DSTYK: variants seen among roughly 807,000 people sequenced by gnomAD.
DSTYK encodes RIP-homologous kinase.
In DSTYK, 34 loss-of-function variants were observed where a neutral mutation model predicts 98.7. The observed-to-expected ratio is 0.34, with a 90% CI of 0.26 to 0.46. DSTYK has a LOEUF of 0.46. Among genes scored for constraint, DSTYK ranks in the 20% least tolerant of loss-of-function variants. DSTYK has a pLI of 1.00. For synonymous variants in DSTYK, 462 were observed against 457.3 expected (o/e 1.01, Z -0.13); for missense variants, 962 against 1,181.7 (o/e 0.81, Z 2.73).
rs556713115 is a variant in DSTYK, at chr1:205,186,143, T to A, written c.654+1275A>T. On this transcript the variant is annotated intron_variant, in intron 2 of 12. Transcript: ENST00000367162. ...TACAGAGAGACTGTGTATGGATGGA[T>A]GAAATACTTGTGAATTGTGAAGAAG... is the stretch of plus-strand genomic sequence containing the variant. 1.2e-4 allele frequency among the ~76,000 whole-genome samples: 18 copies of A among 152,328 alleles called. No individual in the cohort carries two copies. In the South Asian group the frequency reaches 3.7e-3, roughly 32 times the overall value.
At chr1:205,204,683 T>A (rs1203717089) in intron 1 of DSTYK, among the ~76,000 whole-genome samples, 1 of 152,188 alleles carries the variant, frequency 6.6e-6, no homozygotes, top group African/African-American at 2.4e-5. Context: ...TCATCACTAT[T>A]TAATTCCAGA....
rs1291880214 is a variant in DSTYK at position 205,211,550 on chromosome 1, C to CT, written c.-16dup. The CT allele has an allele frequency of 1.3e-6, 2 of 1,491,650 alleles. No homozygotes were observed. The highest frequency in any genetic ancestry group is 2.9e-5 in the African/African-American group (2 of 69,236). 92.4% of individuals were successfully genotyped at this position (1,491,650 alleles called of 1,614,324 possible). A position where few individuals can be genotyped will look rare whatever the true frequency, so the allele number is the denominator to read the frequency against. On this transcript the variant is annotated 5_prime_UTR_variant, in exon 1 of 13. Transcript: ENST00000367162. ...TCGCCCTCCATCGCCTCTGCCCGCT[C>CT]TGTCTTTGCGGCTCGGTCCCCGGCC...
intron 1 of DSTYK, among the ~76,000 whole-genome samples, chr1:205,197,160 T>G (rs1195315033): frequency 6.6e-6 from 1 of 151,688 alleles, no homozygotes; most frequent in East Asian, 1.9e-4. Flanking sequence ...AAGGAGACAT[T>G]GTTGGGACAG....
chr1:205,207,437 C>T (rs938630216), intron 1 of DSTYK, among the ~76,000 whole-genome samples: 3 of 151,640 alleles, frequency 2.0e-5, no homozygotes, highest in Non-Finnish European at 4.4e-5. Context: ...AGGAACTTTA[C>T]TGGATAATAA....
chr1:205,158,136 T>A lies in DSTYK; in HGVS notation c.2239-750A>T, dbSNP rs189397602. Among the ~76,000 whole-genome samples, 33 of 152,332 alleles carry A rather than the reference T, an allele frequency of 2.2e-4. No individual in the cohort carries two copies. The East Asian group carries it at 6.2e-3, about 28-fold the overall frequency. ...CTCCTGAATACTGGAAAATGTCACA[T>A]CACTCATTCAAAAGCTCAAAGGACA... is the stretch of plus-strand genomic sequence containing the variant. On this transcript the variant is annotated intron_variant, in intron 9 of 12. Transcript: ENST00000367162.
intron 7 of DSTYK, among the ~76,000 whole-genome samples, chr1:205,160,484 C>T (rs552114755): frequency 1.1e-4 from 17 of 152,082 alleles, no homozygotes; most frequent in African/African-American, 2.9e-4. Context: ...TACAGGCATA[C>T]GCCACCACGC....
rs562679899 is a variant in DSTYK at position 205,154,571 on chromosome 1, A to AG, written c.2352+2701dup. 4.1e-4 allele frequency among the ~76,000 whole-genome samples: 62 copies of AG among 152,290 alleles called. 1 individual carries two copies. The East Asian group carries it at 8.9e-3, about 22-fold the overall frequency. The stretch of plus-strand genomic sequence containing the variant: ...TTTCCTGTAAAAGGTACCCAGTCTC[A>AG]GGTATGTCTTTATTAGCAGTGTGAG... On this transcript the variant is annotated intron_variant, in intron 10 of 12. Transcript: ENST00000367162.
chr1:205,155,521 T>C (rs1157409485), intron 10 of DSTYK, among the ~76,000 whole-genome samples: 1 of 151,376 alleles, frequency 6.6e-6, no homozygotes, highest in Non-Finnish European at 1.5e-5. Flanking sequence ...ATACAAAAAT[T>C]AGCCTGGCTG....
intron 10 of DSTYK, among the ~76,000 whole-genome samples, chr1:205,155,639 C>CA (rs1287674327): frequency 6.8e-6 from 1 of 147,912 alleles, no homozygotes; most frequent in Non-Finnish European, 1.5e-5. Context: ...GCCTGGGCAA[C>CA]AGAGCGAGAC....
chr1:205,186,836 T>C (rs1264954942), intron 2 of DSTYK, among the ~76,000 whole-genome samples: 5 of 152,252 alleles, frequency 3.3e-5, no homozygotes, highest in Non-Finnish European at 5.9e-5. Flanking sequence ...ACTCTTCAAA[T>C]AACAGGATCT....
At chr1:205,197,331 A>G (rs61823961) in intron 1 of DSTYK, among the ~76,000 whole-genome samples, 5 of 152,134 alleles carry the variant, frequency 3.3e-5, no homozygotes, top group Non-Finnish European at 7.4e-5. Flanking sequence ...AACTGCACTC[A>G]GCTCTCAAAA....
At chr1:205,148,424 G>A in intron 11 of DSTYK, 85 bp from the exon 12 acceptor site, 1 of 1,550,622 alleles carries the variant, frequency 6.4e-7, no homozygotes, top group African/African-American at 1.4e-5. Context: ...TAGAGGGTTG[G>A]CTTTTTCCAA....
In DSTYK at chr1:205,167,006, A is replaced by G. The variant is rs1366567903; in HGVS notation, c.1324+2157T>C. Among the ~76,000 whole-genome samples the G allele has an allele frequency of 2.0e-5, 3 of 152,336 alleles. 1 individual carries two copies. The East Asian group carries it at 5.8e-4, about 29-fold the overall frequency. Reference sequence around the variant, plus strand: ...AGGAAGTAGTCCGCAGTACATAAATAACTATAATAAAAGATAGAAAGTGAA... The same window carrying G: ...AGGAAGTAGTCCGCAGTACATAAATGACTATAATAAAAGATAGAAAGTGAA... On this transcript the variant is annotated intron_variant, in intron 3 of 12. Transcript: ENST00000367162.
intron 3 of DSTYK, among the ~76,000 whole-genome samples, chr1:205,166,544 T>C (rs1201237119): frequency 1.3e-5 from 2 of 152,080 alleles, no homozygotes; most frequent in Admixed American, 6.5e-5. Context: ...GTTTCAAGGA[T>C]ACTCAGAAAG....
Position 205,162,270 on chromosome 1 carries a change from G to A in DSTYK, c.1642-58C>T, listed in dbSNP as rs564621018. The A allele has an allele frequency of 2.5e-6, 4 of 1,575,610 alleles. No homozygotes were observed. The East Asian group carries it at 9.0e-5, about 36-fold the overall frequency. ...AATGAGAGACAAGAACCACTACAAA[G>A]ATCCAGTGTCCTTCCTTTTCTGGGT... On this transcript the variant is annotated intron_variant, in intron 5 of 12. Transcript: ENST00000367162.
intron 1 of DSTYK, among the ~76,000 whole-genome samples, chr1:205,196,847 C>T (rs1357822328): frequency 6.7e-6 from 1 of 148,656 alleles, no homozygotes; most frequent in East Asian, 2.0e-4. Flanking sequence ...TCACTGCAGC[C>T]TTCCGGGTTC....
intron 1 of DSTYK, among the ~76,000 whole-genome samples, chr1:205,208,004 A>G (rs1659259984): frequency 6.6e-6 from 1 of 151,816 alleles, no homozygotes; most frequent in Non-Finnish European, 1.5e-5. Context: ...AGCCTTCCCC[A>G]GCAGCTGGGA....
At chr1:205,152,506 G>A (rs1403621131) in intron 10 of DSTYK, among the ~76,000 whole-genome samples, 3 of 152,172 alleles carry the variant, frequency 2.0e-5, no homozygotes, top group South Asian at 2.1e-4. Flanking sequence ...GGACTACATC[G>A]TATATGTGGT....
At chr1:205,159,899 G>T in intron 8 of DSTYK, 1 of 796,220 alleles carries the variant, frequency 1.3e-6, no homozygotes. Flanking sequence ...AAGGACTAAA[G>T]AAGAAAGTTA....
Sources: gnomAD v4.1 joint callset for allele counts (sites outside exome capture counted in the v4.1 genomes callset) on GRCh38, gnomAD v4.1.1 for gene constraint, MANE v1.5 for transcripts, NCBI Gene and HGNC (gene_info 2026-07-23, HGNC 2026-07-21) for gene names.